PCDH15: variants seen among roughly 807,000 people sequenced by gnomAD.
PCDH15 encodes the protein protocadherin-15.
Under a neutral mutation model 178.5 loss-of-function variants are expected in PCDH15, and 129 were observed. That is an observed-to-expected ratio of 0.72 (90% CI 0.63 to 0.84). PCDH15 has a LOEUF of 0.84. Among genes scored for constraint, PCDH15 ranks in the 40% least tolerant of loss-of-function variants. The pLI is 0.00. For missense variants in PCDH15, 2,230 were observed against 2,099.9 expected (o/e 1.06, Z -1.21); for synonymous variants, 800 against 732.0 (o/e 1.09, Z -1.50).
intron 2 of PCDH15, among the ~76,000 whole-genome samples, chr10:55,063,698 T>C (rs1487980891): frequency 1.3e-5 from 2 of 152,156 alleles, no homozygotes; most frequent in Non-Finnish European, 2.9e-5. Context: ...ACATTATAAA[T>C]CACATTAACA....
chr10:55,020,204 C>G (rs1840288297), intron 2 of PCDH15, among the ~76,000 whole-genome samples: 1 of 150,824 alleles, frequency 6.6e-6, no homozygotes, highest in Non-Finnish European at 1.5e-5. Flanking sequence ...GATTCAGGCA[C>G]TTTTATTGAG....
intron 2 of PCDH15, among the ~76,000 whole-genome samples, chr10:55,120,481 GA>G (rs1188752124): frequency 6.6e-6 from 1 of 151,994 alleles, no homozygotes; most frequent in Non-Finnish European, 1.5e-5. Context: ...AAAAAAAATA[GA>G]AGCCCCAGGA....
intron 1 of PCDH15, among the ~76,000 whole-genome samples, chr10:55,292,537 A>C (rs1261672376): frequency 6.6e-6 from 1 of 151,984 alleles, no homozygotes; most frequent in Non-Finnish European, 1.5e-5. Context: ...GCTCGCCACC[A>C]CGACCGGCTA....
chr10:53,913,168 C>T (rs898945236), intron 25 of PCDH15, among the ~76,000 whole-genome samples: 1 of 152,108 alleles, frequency 6.6e-6, no homozygotes, highest in Non-Finnish European at 1.5e-5. Flanking sequence ...CTTTGACAAA[C>T]TGACAGAAAC....
intron 3 of PCDH15, among the ~76,000 whole-genome samples, chr10:54,510,825 T>A (rs945216254): frequency 2.6e-5 from 4 of 152,204 alleles, no homozygotes; most frequent in African/African-American, 9.6e-5. Context: ...TTTCCCTTTT[T>A]TCCACGTCTC....
intron 1 of PCDH15, among the ~76,000 whole-genome samples, chr10:55,318,133 C>T (rs1252907403): frequency 1.3e-5 from 2 of 151,898 alleles, no homozygotes; most frequent in Admixed American, 6.6e-5. Flanking sequence ...AAAACCACTC[C>T]GCTGGAACAT....
chr10:54,059,858 A>G (rs1456424267), intron 18 of PCDH15, among the ~76,000 whole-genome samples: 2 of 152,350 alleles, frequency 1.3e-5, no homozygotes, highest in African/African-American at 4.8e-5. Context: ...TGTACAATGG[A>G]AAGCATTTAG....
At chr10:55,309,059 T>C (rs998395401) in intron 1 of PCDH15, among the ~76,000 whole-genome samples, 6 of 152,208 alleles carry the variant, frequency 3.9e-5, no homozygotes, top group Non-Finnish European at 7.3e-5. Context: ...ATTTTCATGT[T>C]ACAGGAATAC....
intron 2 of PCDH15, among the ~76,000 whole-genome samples, chr10:55,526,688 T>G (rs1841308386): frequency 6.6e-6 from 1 of 152,166 alleles, no homozygotes; most frequent in African/African-American, 2.4e-5. Flanking sequence ...AACAACACAA[T>G]CAGGTTTATA....
chr10:54,463,926 C>T (rs1369644275), intron 3 of PCDH15, among the ~76,000 whole-genome samples: 2 of 152,116 alleles, frequency 1.3e-5, no homozygotes, highest in East Asian at 1.9e-4. Context: ...GAGAAAACAA[C>T]ATGTGTGAAC....
chr10:55,097,790 TA>T (rs1842481562), intron 2 of PCDH15, among the ~76,000 whole-genome samples: 1 of 152,122 alleles, frequency 6.6e-6, no homozygotes, highest in East Asian at 1.9e-4. Flanking sequence ...AAAATTATCC[TA>T]AGTAGAAAAT....
chr10:55,293,897 C>T (rs1843072678), intron 1 of PCDH15, among the ~76,000 whole-genome samples: 1 of 152,170 alleles, frequency 6.6e-6, no homozygotes, highest in Non-Finnish European at 1.5e-5. Flanking sequence ...TACCCAGTTC[C>T]AAAGTCGCTT....
Position 53,827,511 on chromosome 10 carries a change from C to A in PCDH15, c.4249G>T (p.Ala1417Ser). 6.2e-7 allele frequency: 1 copy of A among 1,614,080 alleles called. No homozygotes were observed. The highest frequency in any genetic ancestry group is 8.5e-7 in the Non-Finnish European group (1 of 1,179,948). The change falls in exon 32 of 38, where the codon GCC (alanine) becomes TCC (serine). Residue 1417 changes from alanine (A) to serine (S), a missense_variant. Ala to Ser is a moderately conservative substitution (Grantham distance 99, BLOSUM62 1). Coordinates refer to ENST00000644397, the MANE Select transcript of PCDH15 (RefSeq NM_001384140.1). Reference sequence around the variant, plus strand: ...GCTGGTTTAGCCGCGGGTAATGCGGCCTGAATTCGTGCAGTCTTTGTACAC... The same window carrying A: ...GCTGGTTTAGCCGCGGGTAATGCGGACTGAATTCGTGCAGTCTTTGTACAC... Reference protein sequence around the residue: ...AECTKTARIQAALPAAKPAVP... With the variant: ...AECTKTARIQSALPAAKPAVP...
chr10:53,919,081 T>C (rs960329584), intron 25 of PCDH15, among the ~76,000 whole-genome samples: 4 of 152,180 alleles, frequency 2.6e-5, no homozygotes, highest in Non-Finnish European at 5.9e-5. Flanking sequence ...CTTTCACTTA[T>C]AAGGATTCTT....
At chr10:54,211,600 C>T (rs890206608) in intron 10 of PCDH15, among the ~76,000 whole-genome samples, 1 of 151,992 alleles carries the variant, frequency 6.6e-6, no homozygotes, top group East Asian at 1.9e-4. Context: ...GTTAAATACA[C>T]ACATAGCTTT....
At chr10:54,205,715 C>T (rs1189523498) in intron 10 of PCDH15, among the ~76,000 whole-genome samples, 7 of 152,024 alleles carry the variant, frequency 4.6e-5, no homozygotes, top group Middle Eastern at 3.4e-3. Context: ...TGCCTTAAAA[C>T]CTACAGGAGC....
intron 2 of PCDH15, among the ~76,000 whole-genome samples, chr10:55,163,902 A>T (rs943368748): frequency 1.3e-5 from 2 of 152,182 alleles, no homozygotes; most frequent in African/African-American, 4.8e-5. Context: ...ATAACTGTTA[A>T]GTATACTCAG....
At chr10:55,370,838 G>A (rs1309017887) in intron 2 of PCDH15, among the ~76,000 whole-genome samples, 25 of 152,200 alleles carry the variant, frequency 1.6e-4, no homozygotes, top group African/African-American at 6.0e-4. Flanking sequence ...TCACTCTGCA[G>A]TAGCATAGCT....
chr10:54,227,297 A>G (rs2053562314), intron 9 of PCDH15, among the ~76,000 whole-genome samples: 1 of 152,170 alleles, frequency 6.6e-6, no homozygotes, highest in Non-Finnish European at 1.5e-5. Flanking sequence ...CCAAACCTCA[A>G]TTCTTGACTT....
Sources: gnomAD v4.1 joint callset for allele counts (sites outside exome capture counted in the v4.1 genomes callset) on GRCh38, gnomAD v4.1.1 for gene constraint, MANE v1.5 for transcripts, NCBI Gene and HGNC (gene_info 2026-07-23, HGNC 2026-07-21) for gene names.